MTUS2: variants seen among roughly 807,000 people sequenced by gnomAD.
MTUS2 encodes the protein microtubule-associated tumor suppressor candidate 2.
A neutral mutation model predicts 114.1 loss-of-function variants in MTUS2; 40 were observed. That is an observed-to-expected ratio of 0.35 (90% confidence interval 0.27 to 0.46). The LOEUF (loss-of-function observed/expected upper bound fraction) is 0.46. Among genes scored for constraint, MTUS2 ranks in the 20% least tolerant of loss-of-function variants. The pLI is 1.00. For missense variants in MTUS2, 1,679 were observed against 1,705.4 expected (o/e 0.98, Z 0.27); for synonymous variants, 688 against 672.0 (o/e 1.02, Z -0.37).
At chr13:29,443,667 C>T (rs1163159494) in intron 9 of MTUS2, among the ~76,000 whole-genome samples, 1 of 152,182 alleles carries the variant, frequency 6.6e-6, no homozygotes, top group Non-Finnish European at 1.5e-5. Flanking sequence ...ATGTGGGGAT[C>T]AACTGTCAAC....
chr13:28,978,923 G>A lies in MTUS2; in HGVS notation c.-242-45534G>A, dbSNP rs114692758. The stretch of plus-strand genomic sequence containing the variant: ...GTGAGGCTCTTTCCTGGGATCTACC[G>A]CTCCATTTCACTCAATATGACCTTC... On this transcript the variant is annotated intron_variant, in intron 2 of 15. Transcript: ENST00000612955. Among the ~76,000 whole-genome samples the A allele has an allele frequency of 3.7e-3, 556 of 152,244 alleles. 3 individuals are homozygous for A. Among genetic ancestry groups the A allele is most frequent in the African/African-American group, 0.013 (524 of 41,538 alleles).
intron 2 of MTUS2, among the ~76,000 whole-genome samples, chr13:29,000,599 C>T (rs1234756889): frequency 6.6e-6 from 1 of 152,178 alleles, no homozygotes; most frequent in Non-Finnish European, 1.5e-5. Context: ...CTCCTGACCT[C>T]AGGTGATCCA....
intron 2 of MTUS2, among the ~76,000 whole-genome samples, chr13:28,919,984 G>A (rs1880955651): frequency 6.6e-6 from 1 of 152,200 alleles, no homozygotes; most frequent in African/African-American, 2.4e-5. Flanking sequence ...GTGTTATCTT[G>A]ATTTCTTTGA....
chr13:29,504,295 G>A lies in MTUS2; in HGVS notation c.*1089G>A, dbSNP rs1883093610. The A allele has an allele frequency of 1.3e-5, 3 of 232,174 alleles. No homozygotes were observed. The highest frequency in any genetic ancestry group is 6.1e-5 in the East Asian group (1 of 16,430). The allele number at this position is 232,174 out of a possible 1,614,324, so 14.4% of individuals were successfully genotyped here. A position where few individuals can be genotyped will look rare whatever the true frequency, so the allele number is the denominator to read the frequency against. ...TCAACTCTTTGAAATAGGACCCTCAGGCCCCCATTTCCTAGCAGCCCCCCT... is the reference window on the plus strand; with the variant it reads ...TCAACTCTTTGAAATAGGACCCTCAAGCCCCCATTTCCTAGCAGCCCCCCT... On this transcript the variant is annotated 3_prime_UTR_variant, in exon 16 of 16. Transcript: ENST00000612955.
At chr13:29,320,564 G>A (rs1414113413) in intron 6 of MTUS2, among the ~76,000 whole-genome samples, 1 of 152,198 alleles carries the variant, frequency 6.6e-6, no homozygotes, top group Admixed American at 6.5e-5. Context: ...AGGGTCACAT[G>A]GAAACAGCAG....
intron 10 of MTUS2, chr13:29,481,988 C>T (rs1021326535): frequency 2.6e-5 from 4 of 152,214 alleles, no homozygotes; most frequent in Non-Finnish European, 4.4e-5. Flanking sequence ...TGTCTACAGT[C>T]TTACTCATTT....
chr13:29,247,593 A>G (rs1275744049), intron 5 of MTUS2, among the ~76,000 whole-genome samples: 2 of 152,214 alleles, frequency 1.3e-5, no homozygotes, highest in East Asian at 3.8e-4. Context: ...GGCAAAAGAC[A>G]TAAATAGACA....
chr13:29,007,656 T>A (rs769985377), intron 2 of MTUS2, among the ~76,000 whole-genome samples: 1 of 152,248 alleles, frequency 6.6e-6, no homozygotes, highest in Non-Finnish European at 1.5e-5. Flanking sequence ...AACGTGAAGA[T>A]GACAAGGATG....
chr13:29,323,144 G>T (rs898956525), intron 6 of MTUS2, among the ~76,000 whole-genome samples: 1 of 152,152 alleles, frequency 6.6e-6, no homozygotes, highest in Admixed American at 6.5e-5. Context: ...TGTGTACAAA[G>T]AAACAAGTAG....
chr13:29,038,484 C>G (rs1887185323), intron 4 of MTUS2, among the ~76,000 whole-genome samples: 1 of 152,238 alleles, frequency 6.6e-6, no homozygotes, highest in South Asian at 2.1e-4. Context: ...TCTGCCCCTG[C>G]TGGGAGGTGT....
chr13:29,062,545 A>G (rs1257154560), intron 4 of MTUS2, among the ~76,000 whole-genome samples: 1 of 152,160 alleles, frequency 6.6e-6, no homozygotes, highest in Admixed American at 6.5e-5. Flanking sequence ...TTCCAACCTC[A>G]AGTGATTTTC....
chr13:29,434,318 C>T lies in MTUS2; in HGVS notation c.3118-5665C>T, dbSNP rs557210560. Among the ~76,000 whole-genome samples the T allele has an allele frequency of 2.0e-5, 3 of 152,216 alleles. No homozygotes were observed. In the East Asian group the frequency reaches 5.8e-4, roughly 29 times the overall value. On this transcript the variant is annotated intron_variant, in intron 8 of 15. Transcript: ENST00000612955. The stretch of plus-strand genomic sequence containing the variant: ...GCTGAGAGAGGTTCCCAAAAAGTCC[C>T]AGGTGCTATTTTGCCTGGGGTGCTC...
At chr13:29,484,637 T>G (rs1203859457) in intron 10 of MTUS2, among the ~76,000 whole-genome samples, 1 of 152,218 alleles carries the variant, frequency 6.6e-6, no homozygotes, top group East Asian at 1.9e-4. Context: ...AGGAAAGTCA[T>G]TAAGAGCGTG....
intron 8 of MTUS2, among the ~76,000 whole-genome samples, chr13:29,382,950 G>A (rs76492459): frequency 0.027 from 4,160 of 152,266 alleles, 177 homozygotes; most frequent in African/African-American, 0.094. Flanking sequence ...AGGAGGCAGT[G>A]ATACAGCAAC....
At chr13:29,420,684 A>G (rs1011594326) in intron 8 of MTUS2, among the ~76,000 whole-genome samples, 2 of 152,214 alleles carry the variant, frequency 1.3e-5, no homozygotes, top group African/African-American at 2.4e-5. Flanking sequence ...AGACAGATGC[A>G]CTTGGGGTCT....
intron 9 of MTUS2, among the ~76,000 whole-genome samples, chr13:29,451,808 C>CA (rs1258479326): frequency 1.3e-5 from 2 of 152,074 alleles, no homozygotes; most frequent in African/African-American, 4.8e-5. Flanking sequence ...AGGCTGGTCT[C>CA]AAACTCCTGA....
chr13:29,142,068 G>T (rs1319396569), intron 5 of MTUS2, among the ~76,000 whole-genome samples: 1 of 151,910 alleles, frequency 6.6e-6, no homozygotes, highest in Non-Finnish European at 1.5e-5. Context: ...CACTGTGTTA[G>T]CCAGGATGGT....
intron 4 of MTUS2, among the ~76,000 whole-genome samples, chr13:29,052,681 T>A (rs1260842208): frequency 6.6e-6 from 1 of 152,166 alleles, no homozygotes; most frequent in Admixed American, 6.6e-5. Context: ...GGAGAAGAGT[T>A]ACTCTGACAT....
intron 8 of MTUS2, among the ~76,000 whole-genome samples, chr13:29,419,581 C>T (rs1348626962): frequency 6.6e-6 from 1 of 152,200 alleles, no homozygotes; most frequent in Non-Finnish European, 1.5e-5. Context: ...TCCCAGTTCA[C>T]GGGCTCCCAT....
Sources: allele counts gnomAD v4.1 joint callset (sites outside exome capture counted in the v4.1 genomes callset), GRCh38; gene constraint gnomAD v4.1.1; transcripts MANE v1.5; gene names NCBI Gene and HGNC (gene_info 2026-07-23, HGNC 2026-07-21).